The following DENND1A variants were observed in gnomAD, a reference collection of about 807,000 sequenced individuals.
The protein encoded by DENND1A is DENN domain-containing protein 1A.
Under a neutral mutation model 113.7 loss-of-function variants are expected in DENND1A, and 51 were observed. The observed-to-expected ratio is 0.45, with a 90% CI of 0.36 to 0.57. The LOEUF is 0.57. Among genes scored for constraint, DENND1A ranks in the 20% least tolerant of loss-of-function variants. The probability of loss-of-function intolerance (pLI) is 0.00; values close to 1 mark genes in which losing one functional copy is unlikely to be tolerated. For missense variants in DENND1A, 1,258 were observed against 1,395.9 expected (o/e 0.90, Z 1.57); for synonymous variants, 565 against 570.8 (o/e 0.99, Z 0.14).
chr9:123,483,907 C>A (rs2050566897), intron 13 of DENND1A, among the ~76,000 whole-genome samples: 1 of 152,152 alleles, frequency 6.6e-6, no homozygotes, highest in Non-Finnish European at 1.5e-5. Flanking sequence ...TGAGACACAG[C>A]TTAGTTTTTT....
At chr9:123,538,809 C>T (rs7040373) in intron 13 of DENND1A, among the ~76,000 whole-genome samples, 5,357 of 22,092 alleles carry the variant, frequency 0.24, 500 homozygotes, top group African/African-American at 0.32. Context: ...ACAACTCATA[C>T]ATATATATAT....
chr9:123,402,404 C>A, intron 21 of DENND1A: 2 of 438,242 alleles, frequency 4.6e-6, no homozygotes, highest in East Asian at 6.4e-5. Flanking sequence ...GGTTAGGCCC[C>A]AGCTTGACAG....
intron 5 of DENND1A, among the ~76,000 whole-genome samples, chr9:123,677,636 ACTGGCCAGG>A (rs1476874774): frequency 2.0e-5 from 3 of 151,996 alleles, no homozygotes; most frequent in African/African-American, 7.2e-5. Flanking sequence ...GTTTCACCAT[ACTGGCCAGG>A]CTGGTCTCGA....
At chr9:123,742,892 A>G (rs1439596308) in intron 5 of DENND1A, among the ~76,000 whole-genome samples, 1 of 152,248 alleles carries the variant, frequency 6.6e-6, no homozygotes, top group Non-Finnish European at 1.5e-5. Context: ...TTCTCAATTA[A>G]GAGGAACTCC....
At chr9:123,558,974 C>G (rs1392023238) in intron 12 of DENND1A, among the ~76,000 whole-genome samples, 1 of 152,174 alleles carries the variant, frequency 6.6e-6, no homozygotes, top group Admixed American at 6.5e-5. Context: ...AACAGGAATG[C>G]ATGTGCCATT....
chr9:123,677,971 A>G (rs1359290597), intron 5 of DENND1A, among the ~76,000 whole-genome samples: 1 of 152,006 alleles, frequency 6.6e-6, no homozygotes, highest in Non-Finnish European at 1.5e-5. Context: ...CTGGGCTTAC[A>G]TACACTGGGC....
chr9:123,883,250 T>C (rs997134348), intron 1 of DENND1A, among the ~76,000 whole-genome samples: 2 of 152,228 alleles, frequency 1.3e-5, no homozygotes, highest in Non-Finnish European at 2.9e-5. Context: ...TGTAAGCTGC[T>C]GGAGAGCAGG....
At chr9:123,434,487 A>G (rs1419086782) in intron 19 of DENND1A, among the ~76,000 whole-genome samples, 6 of 152,238 alleles carry the variant, frequency 3.9e-5, no homozygotes, top group Non-Finnish European at 8.8e-5. Flanking sequence ...TTCAACAACA[A>G]TCAATTATTC....
At chr9:123,651,079 T>C (rs1477654626) in intron 9 of DENND1A, among the ~76,000 whole-genome samples, 1 of 151,868 alleles carries the variant, frequency 6.6e-6, no homozygotes, top group Non-Finnish European at 1.5e-5. Context: ...TTAAGAATTT[T>C]CATAAAAAAT....
intron 18 of DENND1A, among the ~76,000 whole-genome samples, chr9:123,450,246 C>G (rs1439127732): frequency 1.3e-5 from 2 of 152,188 alleles, no homozygotes; most frequent in African/African-American, 4.8e-5. Context: ...CAGCCCCACC[C>G]CCTATGCTGT....
chr9:123,472,482 G>T (rs1564552278), intron 13 of DENND1A, among the ~76,000 whole-genome samples: 1 of 152,160 alleles, frequency 6.6e-6, no homozygotes, highest in Non-Finnish European at 1.5e-5. Context: ...CCAGAGATCT[G>T]AGATGTGGTG....
chr9:123,616,083 C>T (rs956140890), intron 10 of DENND1A, among the ~76,000 whole-genome samples: 2 of 152,154 alleles, frequency 1.3e-5, no homozygotes, highest in African/African-American at 4.8e-5. Context: ...GTGCGTACTA[C>T]CACGCCTGGC....
intron 7 of DENND1A, among the ~76,000 whole-genome samples, chr9:123,670,472 A>G (rs1347266001): frequency 6.6e-6 from 1 of 152,232 alleles, no homozygotes; most frequent in Non-Finnish European, 1.5e-5. Flanking sequence ...CTTATCTGAC[A>G]GATGAGGAAA....
At chr9:123,483,909 T>G (rs1248549176) in intron 13 of DENND1A, among the ~76,000 whole-genome samples, 1 of 152,164 alleles carries the variant, frequency 6.6e-6, no homozygotes, top group African/African-American at 2.4e-5. Flanking sequence ...AGACACAGCT[T>G]AGTTTTTTTT....
At chr9:123,648,300 C>T (rs1025120395) in intron 9 of DENND1A, among the ~76,000 whole-genome samples, 1 of 152,204 alleles carries the variant, frequency 6.6e-6, no homozygotes, top group Admixed American at 6.5e-5. Context: ...TGTTCTTGAA[C>T]TCCTGGCCTT....
intron 13 of DENND1A, among the ~76,000 whole-genome samples, chr9:123,497,765 T>C (rs186724415): frequency 1.4e-4 from 20 of 142,136 alleles, no homozygotes; most frequent in Non-Finnish European, 2.6e-4. Context: ...CATATAGAAA[T>C]ACAGGCTATT....
intron 13 of DENND1A, among the ~76,000 whole-genome samples, chr9:123,490,785 G>T (rs1035609710): frequency 2.0e-5 from 3 of 152,198 alleles, no homozygotes; most frequent in East Asian, 3.9e-4. Context: ...GAGTTACGTT[G>T]TTTTTTTCAT....
chr9:123,411,568 C>T (rs1308161035), intron 20 of DENND1A: 2 of 166,180 alleles, frequency 1.2e-5, no homozygotes, highest in East Asian at 1.9e-4. Flanking sequence ...CTCTGATCTG[C>T]AAGTCACCAA....
At chr9:123,723,118 G>A (rs140071745) in intron 5 of DENND1A, among the ~76,000 whole-genome samples, 60 of 152,356 alleles carry the variant, frequency 3.9e-4, no homozygotes, top group African/African-American at 1.2e-3. Flanking sequence ...TGTGAGACAC[G>A]GAGTCAATGG....
Sources: allele counts gnomAD v4.1 joint callset (sites outside exome capture counted in the v4.1 genomes callset), GRCh38; gene constraint gnomAD v4.1.1; transcripts MANE v1.5; gene names NCBI Gene and HGNC (gene_info 2026-07-23, HGNC 2026-07-21).